Variants in PRR14 observed in about 807,000 individuals in gnomAD.
PRR14 encodes proline rich 14.
A neutral mutation model predicts 57.2 loss-of-function variants in PRR14; 33 were observed. The observed-to-expected ratio is 0.58, with a 90% CI of 0.44 to 0.77. PRR14 has a LOEUF of 0.77. PRR14 is among the 30% of genes least tolerant of loss of function. PRR14 has a pLI of 0.00. For synonymous variants in PRR14, 303 were observed against 314.7 expected (o/e 0.96, Z 0.39); for missense variants, 716 against 788.1 (o/e 0.91, Z 1.10).
In PRR14 at chr16:30,654,643, C is replaced by T; in HGVS notation, c.673C>T (p.Leu225=). The change falls in exon 8 of 12, where the codon CTG becomes TTG. Residue 225 remains leucine (L), a synonymous_variant. Transcript: ENST00000300835. ...ESPPTAPDPA[L]ELPSTPPPSS... ...CCTTTCCTCAGCCCCAGATCCTGCTCTGGAGCTCCCATCCACCCCACCACC... is the reference window on the plus strand; with the variant it reads ...CCTTTCCTCAGCCCCAGATCCTGCTTTGGAGCTCCCATCCACCCCACCACC... 1 of 1,606,588 alleles carries T rather than the reference C, an allele frequency of 6.2e-7. No homozygotes were observed.
Position 30,652,053 on chromosome 16 carries a change from A to G in PRR14, c.192+89A>G, listed in dbSNP as rs75484492. 1.4e-5 allele frequency: 19 copies of G among 1,378,676 alleles called. No homozygotes were observed. The East Asian group carries it at 4.0e-4, about 29-fold the overall frequency. The allele number at this position is 1,378,676 out of a possible 1,614,324, so 85.4% of individuals were successfully genotyped here. ...CCAGATCCCTACTGAGGATAACTGA[A>G]GTCCAAATCCATCATTGTTGTACTC... On this transcript the variant is annotated intron_variant, in intron 3 of 11. Coordinates refer to ENST00000300835, the MANE Select transcript of PRR14 (RefSeq NM_024031.5).
rs747441496 is a variant in PRR14, at chr16:30,651,017, G to C, written c.-161G>C. On this transcript the variant is annotated 5_prime_UTR_variant, in exon 1 of 12. Transcript: ENST00000300835. The surrounding 1 kb of genome is among the most constrained non-coding windows in gnomAD (Gnocchi z 5.0). ...GTGGATCCCTGGGGATCTACGCTGA[G>C]TTCGGAGATGCTCCAGCTCGGGCCG... The C allele has an allele frequency of 2.2e-6, 1 of 456,374 alleles. No homozygotes were observed. Among genetic ancestry groups the C allele is most frequent in the African/African-American group, 2.0e-5 (1 of 50,072 alleles). The allele number at this position is 456,374 out of a possible 1,614,324, so 28.3% of individuals were successfully genotyped here.
intron 6 of PRR14, among the ~76,000 whole-genome samples, 170 bp downstream of exon 6, chr16:30,653,578 A>G (rs1179970705): frequency 1.3e-5 from 2 of 152,242 alleles, no homozygotes; most frequent in African/African-American, 4.8e-5. Context: ...TAGGAGGCCA[A>G]GGCAGGAGAA....
chr16:30,655,399 G>T lies in PRR14; in HGVS notation c.1293G>T (p.Val431=). 6.2e-7 allele frequency: 1 copy of T among 1,614,012 alleles called. No individual in the cohort carries two copies. Among genetic ancestry groups the T allele is most frequent in the East Asian group, 2.2e-5 (1 of 44,898 alleles). ...GKEPRASKDQ[V]LSEPETKTMG... ...AGCCAAGAGCCTCAAAGGACCAGGT[G>T]CTTTCAGAACCTGAGACCAAGGTAG... Residue 431 remains valine, a synonymous_variant, in exon 9 of 12, where the codon GTG becomes GTT. Coordinates refer to ENST00000300835, the MANE Select transcript of PRR14 (RefSeq NM_024031.5). This position sits in a 1 kb window ranked among gnomAD's most constrained non-coding sequence, Gnocchi z 4.6.
In PRR14 at chr16:30,654,727, G is replaced by A. The variant is rs1314254608; in HGVS notation, c.757G>A (p.Val253Ile). ...GGGCTTGGCCCCGCTCTTCCGTTCC[G>A]TCCGCTCCAAGCTGGAGAGCTTTGC... ...PWGLAPLFRS[V>I]RSKLESFADI... is the part of the protein sequence containing the mutation. The change falls in exon 8 of 12, where the codon GTC (valine) becomes ATC (isoleucine). Residue 253 changes from valine (V) to isoleucine (I), a missense_variant. Transcript: ENST00000300835. 35 of 1,613,556 alleles carry A rather than the reference G, an allele frequency of 2.2e-5. No homozygotes were observed. The highest frequency in any genetic ancestry group is 2.5e-5 in the Non-Finnish European group (30 of 1,179,994).
intron 3 of PRR14, 67 bp downstream of exon 3, chr16:30,652,031 G>A: frequency 6.8e-7 from 1 of 1,467,844 alleles, no homozygotes; most frequent in East Asian, 2.3e-5. Flanking sequence ...ACTCGGGCCA[G>A]ATCCCTACTG....
At position 30,651,576 on chromosome 16, in the gene PRR14, C is replaced by T. The variant is rs569195183; in HGVS notation, c.-50-20C>T. ...GGGCCGGCCCTCACCCCCCGCTCCCCCGCTCCCCCCTTACCCCAGGCCGCA... is the reference window on the plus strand; with the variant it reads ...GGGCCGGCCCTCACCCCCCGCTCCCTCGCTCCCCCCTTACCCCAGGCCGCA... On this transcript the variant is annotated intron_variant, in intron 1 of 11. Coordinates refer to ENST00000300835, the MANE Select transcript of PRR14 (RefSeq NM_024031.5). The surrounding 1 kb of genome is among the most constrained non-coding windows in gnomAD (Gnocchi z 5.0). The T allele has an allele frequency of 1.9e-6, 2 of 1,064,348 alleles. No homozygotes were observed. The highest frequency in any genetic ancestry group is 1.6e-5 in the South Asian group (1 of 63,514). 65.9% of individuals were successfully genotyped at this position (1,064,348 alleles called of 1,614,324 possible).
Position 30,651,112 on chromosome 16 carries a change from T to C in PRR14, c.-66T>C, listed in dbSNP as rs1567537530. The stretch of plus-strand genomic sequence containing the variant: ...AGGAAAAGCCTCGCCCGGCGTCTGA[T>C]TGGCGGAACCGCGCTGTAGGATTCT... On this transcript the variant is annotated 5_prime_UTR_variant, in exon 1 of 12. Coordinates refer to ENST00000300835, the MANE Select transcript of PRR14 (RefSeq NM_024031.5). The surrounding 1 kb of genome is among the most constrained non-coding windows in gnomAD (Gnocchi z 5.0). 1 of 452,408 alleles carries C rather than the reference T, an allele frequency of 2.2e-6. No homozygotes were observed. 28.0% of individuals were successfully genotyped at this position (452,408 alleles called of 1,614,324 possible).
intron 5 of PRR14, 87 bp from the exon 6 acceptor site, chr16:30,653,278 C>G: frequency 6.7e-7 from 1 of 1,484,306 alleles, no homozygotes; most frequent in South Asian, 1.1e-5. Context: ...TGAACCCAAG[C>G]AGCTATCCGG....
rs372312459 is a variant in PRR14, at chr16:30,654,843, C to T, written c.873C>T (p.Ala291=). Residue 291 remains alanine (A), a synonymous_variant, in exon 8 of 12, where the codon GCC becomes GCT. Coordinates refer to ENST00000300835, the MANE Select transcript of PRR14 (RefSeq NM_024031.5). ...KLELKIAISE[A]EQSGAAEGTA... is the part of the protein sequence containing the mutation. Reference sequence around the variant, plus strand: ...AGTTGAAGATCGCCATCTCAGAGGCCGAGCAGTCTGGGGCTGCTGAGGGCA... The same window carrying T: ...AGTTGAAGATCGCCATCTCAGAGGCTGAGCAGTCTGGGGCTGCTGAGGGCA... The T allele has an allele frequency of 5.8e-5, 93 of 1,608,574 alleles. No homozygotes were observed. The highest frequency in any genetic ancestry group is 1.6e-4 in the African/African-American group (12 of 74,456).
chr16:30,656,377 C>G lies in PRR14; in HGVS notation c.*66C>G. 1 of 1,419,548 alleles carries G rather than the reference C, an allele frequency of 7.0e-7. No individual in the cohort carries two copies. The highest frequency in any genetic ancestry group is 1.3e-5 in the South Asian group (1 of 74,448). The allele number at this position is 1,419,548 out of a possible 1,614,324, so 87.9% of individuals were successfully genotyped here. A position where few individuals can be genotyped will look rare whatever the true frequency, so the allele number is the denominator to read the frequency against. ...ACCTCCCAGGCAGTTATTTTTTTTT[C>G]TCTATATTTCTAGTAAAGTTTTCGA... On this transcript the variant is annotated 3_prime_UTR_variant, in exon 12 of 12. Transcript: ENST00000300835.
Position 30,651,891 on chromosome 16 carries a change from C to T in PRR14, c.119C>T (p.Ala40Val), listed in dbSNP as rs1286556670. The T allele has an allele frequency of 6.2e-7, 1 of 1,601,680 alleles. No homozygotes were observed. The highest frequency in any genetic ancestry group is 1.7e-5 in the Admixed American group (1 of 58,464). The change falls in exon 3 of 12, where the codon GCC (alanine) becomes GTC (valine). Residue 40 changes from alanine to valine, a missense_variant. Transcript: ENST00000300835. The surrounding 1 kb of genome is among the most constrained non-coding windows in gnomAD (Gnocchi z 5.0). ...CGGCCGAGGCTGCAGCTCCCGGGGG[C>T]CCCTTCTCCCCTGGAAAAGGCCTCT... ...PKRPRLQLPG[A>V]PSPLEKASRR...
Position 30,656,123 on chromosome 16 carries a change from C to G in PRR14, c.1570C>G (p.Arg524Gly). The G allele has an allele frequency of 6.4e-7, 1 of 1,572,986 alleles. No individual in the cohort carries two copies. Among genetic ancestry groups the G allele is most frequent in the Non-Finnish European group, 8.6e-7 (1 of 1,161,504 alleles). Residue 524 changes from arginine (R) to glycine (G), a missense_variant, in exon 12 of 12, where the codon CGG becomes GGG. Transcript: ENST00000300835. The part of the protein sequence containing the change: ...SRKLRRAVEF[R>G]DSSLPRSRRP... ...GAAGCTCCGGCGGGCTGTGGAATTT[C>G]GGGACAGCAGCCTTCCTCGATCACG...
rs2052308314 is a variant in PRR14 at position 30,651,265 on chromosome 16, C to T, written c.-51+138C>T. On this transcript the variant is annotated intron_variant, in intron 1 of 11. Coordinates refer to ENST00000300835, the MANE Select transcript of PRR14 (RefSeq NM_024031.5). The surrounding 1 kb of genome is among the most constrained non-coding windows in gnomAD (Gnocchi z 5.0). ...TCGCAGAGGGATCCAGCGGAAATAG[C>T]CTCCCAGGACCGGGATCCCCGTGGA... 6.1e-6 allele frequency: 2 copies of T among 328,186 alleles called. No individual in the cohort carries two copies. Among genetic ancestry groups the T allele is most frequent in the Non-Finnish European group, 1.2e-5 (2 of 164,838 alleles). 20.3% of individuals were successfully genotyped at this position (328,186 alleles called of 1,614,324 possible). A position where few individuals can be genotyped will look rare whatever the true frequency, so the allele number is the denominator to read the frequency against.
rs1224475059 is a variant in PRR14, at chr16:30,651,192, G to A, written c.-51+65G>A. ...GTGGGATGGAGGGTCGTCGATGTAT[G>A]GAGTATTGCTTTGGAGTCCTCGGCC... On this transcript the variant is annotated intron_variant, in intron 1 of 11. Transcript: ENST00000300835. The surrounding 1 kb of genome is among the most constrained non-coding windows in gnomAD (Gnocchi z 5.0). 5.2e-6 allele frequency: 2 copies of A among 387,416 alleles called. No homozygotes were observed. The highest frequency in any genetic ancestry group is 1.1e-5 in the Non-Finnish European group (2 of 186,064). 24.0% of individuals were successfully genotyped at this position (387,416 alleles called of 1,614,324 possible).
chr16:30,651,746 G>C lies in PRR14; in HGVS notation c.24-50G>C. 1 of 1,611,300 alleles carries C rather than the reference G, an allele frequency of 6.2e-7. No homozygotes were observed. The highest frequency in any genetic ancestry group is 8.5e-7 in the Non-Finnish European group (1 of 1,179,784). On this transcript the variant is annotated intron_variant, in intron 2 of 11. Transcript: ENST00000300835. The surrounding 1 kb of genome is among the most constrained non-coding windows in gnomAD (Gnocchi z 5.0). ...CTGGCGACCGTGCCGGGAAACTACA[G>C]AGCCAGCGACAGGTTCGGGCGACCG...
chr16:30,653,363 A>G lies in PRR14; in HGVS notation c.505-2A>G. On this transcript the variant is annotated splice_acceptor_variant, in intron 5 of 11. Coordinates refer to ENST00000300835, the MANE Select transcript of PRR14 (RefSeq NM_024031.5). LOFTEE classifies it high-confidence loss of function. The stretch of plus-strand genomic sequence containing the variant: ...CCACAAACATCCCCTATTTTTATCC[A>G]GGGCTTCATTGATGAGACCCCCAAC... The G allele has an allele frequency of 6.2e-7, 1 of 1,613,908 alleles. No individual in the cohort carries two copies. The highest frequency in any genetic ancestry group is 8.5e-7 in the Non-Finnish European group (1 of 1,179,948).
In PRR14 at chr16:30,655,380, G is replaced by C. The variant is rs762057838; in HGVS notation, c.1274G>C (p.Arg425Thr). ...RLGSTKGKEP[R>T]ASKDQVLSEP... ...GGTTCAACCAAAGGGAAGGAGCCAA[G>C]AGCCTCAAAGGACCAGGTGCTTTCA... Residue 425 changes from arginine (R) to threonine (T), a missense_variant, in exon 9 of 12, where the codon AGA becomes ACA. By Grantham distance (71) the Arg-to-Thr change is moderately conservative. Transcript: ENST00000300835. This position sits in a 1 kb window ranked among gnomAD's most constrained non-coding sequence, Gnocchi z 4.6. 3.1e-6 allele frequency: 5 copies of C among 1,614,088 alleles called. No individual in the cohort carries two copies. The highest frequency in any genetic ancestry group is 2.2e-5 in the South Asian group (2 of 91,090).
chr16:30,656,107 G>T lies in PRR14; in HGVS notation c.1554G>T (p.Arg518=). ...TTTTCACCAGCTCAAGGAAGCTCCG[G>T]CGGGCTGTGGAATTTCGGGACAGCA... ...TLIFTSSRKL[R]RAVEFRDSSL... Residue 518 remains arginine (R), a synonymous_variant, in exon 12 of 12, where the codon CGG becomes CGT. Transcript: ENST00000300835. 6.4e-7 allele frequency: 1 copy of T among 1,565,720 alleles called. No homozygotes were observed. Among genetic ancestry groups the T allele is most frequent in the Non-Finnish European group, 8.6e-7 (1 of 1,158,268 alleles).
Sources: gnomAD v4.1 joint callset for allele counts (sites outside exome capture counted in the v4.1 genomes callset) on GRCh38, gnomAD v4.1.1 for gene constraint, Gnocchi (gnomAD v3.1) non-coding constraint, MANE v1.5 for transcripts, NCBI Gene and HGNC (gene_info 2026-07-23, HGNC 2026-07-21) for gene names.